EIPR1: variants seen among roughly 807,000 people sequenced by gnomAD.
EIPR1 encodes EARP and GARP complex-interacting protein 1.
Under a neutral mutation model 48.1 loss-of-function variants are expected in EIPR1, and 25 were observed. The ratio of observed to expected loss-of-function variants is 0.52; its 90% CI spans 0.38 to 0.73. The LOEUF is 0.73. EIPR1 is among the 30% of genes least tolerant of loss of function. The pLI, the probability that EIPR1 is intolerant of heterozygous loss-of-function variation, is 0.00. For missense variants in EIPR1, 415 were observed against 506.2 expected (o/e 0.82, Z 1.73); for synonymous variants, 204 against 201.9 (o/e 1.01, Z -0.09).
intron 1 of EIPR1, among the ~76,000 whole-genome samples, chr2:3,372,967 TG>T (rs1659737233): frequency 6.6e-6 from 1 of 152,122 alleles, no homozygotes; most frequent in African/African-American, 2.4e-5. Flanking sequence ...TGAACATTGA[TG>T]CAAAAATCCT....
chr2:3,228,576 G>A (rs1287321966), intron 4 of EIPR1, among the ~76,000 whole-genome samples: 1 of 152,230 alleles, frequency 6.6e-6, no homozygotes, highest in Non-Finnish European at 1.5e-5. Context: ...GTTTTGAAAT[G>A]TGAGGACGTA....
At chr2:3,328,510 TC>T (rs1209992563) in intron 3 of EIPR1, among the ~76,000 whole-genome samples, 1 of 103,236 alleles carries the variant, frequency 9.7e-6, no homozygotes, top group East Asian at 3.0e-4. Context: ...CCAGCCAGGC[TC>T]CCCTGAATCA....
intron 3 of EIPR1, among the ~76,000 whole-genome samples, chr2:3,288,041 C>A (rs1361155352): frequency 6.6e-6 from 1 of 152,202 alleles, no homozygotes; most frequent in Non-Finnish European, 1.5e-5. Context: ...CCCCGTGGCC[C>A]GAGTCTGCTG....
At chr2:3,374,505 T>C (rs1401856781) in intron 1 of EIPR1, among the ~76,000 whole-genome samples, 2 of 151,894 alleles carry the variant, frequency 1.3e-5, no homozygotes, top group African/African-American at 4.8e-5. Context: ...ATATCCAGAA[T>C]CTACAATGAA....
intron 3 of EIPR1, among the ~76,000 whole-genome samples, chr2:3,306,391 T>G (rs944696212): frequency 6.6e-6 from 1 of 152,216 alleles, no homozygotes; most frequent in African/African-American, 2.4e-5. Flanking sequence ...ATATATTACT[T>G]TTTGTCATAA....
chr2:3,339,811 G>T (rs562961478), intron 2 of EIPR1, among the ~76,000 whole-genome samples: 2 of 152,190 alleles, frequency 1.3e-5, no homozygotes, highest in African/African-American at 4.8e-5. Context: ...TTAGCCGGGC[G>T]TGGTGGCGGG....
chr2:3,209,911 T>A (rs2103127897), intron 5 of EIPR1, among the ~76,000 whole-genome samples: 1 of 152,256 alleles, frequency 6.6e-6, no homozygotes, highest in Non-Finnish European at 1.5e-5. Flanking sequence ...AGAGTATTTT[T>A]AGGGCCGTGA....
At chr2:3,348,884 A>G (rs1670482427) in intron 2 of EIPR1, among the ~76,000 whole-genome samples, 1 of 152,196 alleles carries the variant, frequency 6.6e-6, no homozygotes, top group African/African-American at 2.4e-5. Context: ...CACAGAAGGC[A>G]GGGGCAGGGC....
Position 3,311,730 on chromosome 2 carries a change from C to T in EIPR1, c.259+26287G>A, listed in dbSNP as rs374440974. On this transcript the variant is annotated intron_variant, in intron 3 of 8. Transcript: ENST00000382125. The stretch of plus-strand genomic sequence containing the variant: ...GGGGCCTCCAGTCACGAGGTGTGGG[C>T]GGCAGCTCCAGTCCCAGGGTGCAGG... Among the ~76,000 whole-genome samples the T allele has an allele frequency of 1.6e-3, 244 of 148,664 alleles. 3 individuals carry two copies. Among genetic ancestry groups the T allele is most frequent in the East Asian group, 1.7e-3 (8 of 4,836 alleles).
intron 4 of EIPR1, among the ~76,000 whole-genome samples, chr2:3,234,779 G>A (rs1666348528): frequency 1.3e-5 from 2 of 152,230 alleles, no homozygotes; most frequent in Admixed American, 6.5e-5. Context: ...ACTGGAAGAT[G>A]CTCCTACTTT....
chr2:3,370,003 T>G (rs1172161500), intron 1 of EIPR1, among the ~76,000 whole-genome samples: 1 of 152,076 alleles, frequency 6.6e-6, no homozygotes, highest in Admixed American at 6.5e-5. Context: ...AGGGGCAGAC[T>G]GACACCTCAC....
At chr2:3,257,003 G>A (rs558887084) in intron 4 of EIPR1, among the ~76,000 whole-genome samples, 33 of 152,306 alleles carry the variant, frequency 2.2e-4, no homozygotes, top group Admixed American at 3.3e-4. Context: ...GCCACACAGC[G>A]CTCGAGGGCA....
chr2:3,195,206 A>AG (rs1407201162), intron 6 of EIPR1, among the ~76,000 whole-genome samples: 18 of 152,358 alleles, frequency 1.2e-4, no homozygotes, highest in African/African-American at 4.3e-4. Context: ...TTGGAACAAA[A>AG]GGCTGCGCCC....
intron 4 of EIPR1, among the ~76,000 whole-genome samples, chr2:3,220,521 GCACA>G (rs576182386): frequency 1.3e-5 from 2 of 151,732 alleles, no homozygotes; most frequent in Non-Finnish European, 2.9e-5. Flanking sequence ...AGAGTCAGGT[GCACA>G]CACACACAAT....
Position 3,194,102 on chromosome 2 carries a change from T to C in EIPR1, c.718A>G (p.Lys240Glu). 1 of 1,613,984 alleles carries C rather than the reference T, an allele frequency of 6.2e-7. No individual in the cohort carries two copies. Among genetic ancestry groups the C allele is most frequent in the South Asian group, 1.1e-5 (1 of 91,084 alleles). Residue 240 changes from lysine to glutamate, a missense_variant, in exon 7 of 9, where the codon AAG (lysine) becomes GAG (glutamate). Physicochemically the swap from Lys to Glu is moderately conservative, Grantham distance 56. Transcript: ENST00000382125. Reference sequence around the variant, plus strand: ...CCGCAGCTGGCCAAGTAGTACTGCTTATTGGGATTAAAGTCAAGGTCCCGC... The same window carrying C: ...CCGCAGCTGGCCAAGTAGTACTGCTCATTGGGATTAAAGTCAAGGTCCCGC... ...LVRDLDFNPN[K>E]QYYLASCGDD...
chr2:3,343,223 G>A (rs1670303075), intron 2 of EIPR1, among the ~76,000 whole-genome samples: 1 of 152,216 alleles, frequency 6.6e-6, no homozygotes, highest in African/African-American at 2.4e-5. Context: ...CAGAGTGAGA[G>A]GCAGCTCCCA....
At chr2:3,229,645 T>G (rs1475389618) in intron 4 of EIPR1, among the ~76,000 whole-genome samples, 2 of 152,392 alleles carry the variant, frequency 1.3e-5, no homozygotes, top group Admixed American at 1.3e-4. Flanking sequence ...GCTTGTTTCA[T>G]AAGCAGTATT....
chr2:3,276,183 A>C (rs1401314820), intron 3 of EIPR1, among the ~76,000 whole-genome samples: 1 of 152,258 alleles, frequency 6.6e-6, no homozygotes, highest in Non-Finnish European at 1.5e-5. Context: ...ATTTAGGGTG[A>C]AAATCAATCT....
intron 3 of EIPR1, among the ~76,000 whole-genome samples, chr2:3,266,877 G>A (rs748479271): frequency 2.0e-5 from 3 of 152,238 alleles, no homozygotes; most frequent in African/African-American, 4.8e-5. Flanking sequence ...AAGCTGGCCC[G>A]ATGACCACCG....
Sources: allele counts gnomAD v4.1 joint callset (sites outside exome capture counted in the v4.1 genomes callset), GRCh38; gene constraint gnomAD v4.1.1; transcripts MANE v1.5; gene names NCBI Gene and HGNC (gene_info 2026-07-23, HGNC 2026-07-21).